The following MEGF10 variants were observed in gnomAD, a reference collection of about 807,000 sequenced individuals.
The protein encoded by MEGF10 is multiple EGF like domains 10, also known as multiple epidermal growth factor-like domains protein 10.
Under a neutral mutation model 147.5 loss-of-function variants are expected in MEGF10, and 86 were observed. The observed-to-expected ratio is 0.58, with a 90% CI of 0.49 to 0.70. MEGF10 has a LOEUF of 0.70. MEGF10 is among the 30% of genes least tolerant of loss of function. The pLI, the probability that MEGF10 is intolerant of heterozygous loss-of-function variation, is 0.00. For missense variants in MEGF10, 1,329 were observed against 1,487.3 expected, an observed-to-expected ratio of 0.89 and a Z score of 1.75; for synonymous variants, 478 against 525.5, an observed-to-expected ratio of 0.91 and a Z score of 1.24.
chr5:127,259,996 A>G, the MEGF10 span, among the ~76,000 whole-genome samples: 1 of 151,944 alleles, frequency 6.6e-6, no homozygotes, highest in African/African-American at 2.4e-5. Flanking sequence ...GTCTCTACTA[A>G]AAATACAAAA....
chr5:127,300,395 G>C (rs1341258640), intron 1 of MEGF10, among the ~76,000 whole-genome samples: 1 of 152,140 alleles, frequency 6.6e-6, no homozygotes, highest in Non-Finnish European at 1.5e-5. Flanking sequence ...TACTGTTGTT[G>C]TTTGTGTCCC....
the MEGF10 span, among the ~76,000 whole-genome samples, chr5:127,269,211 G>A: frequency 1.3e-5 from 2 of 152,230 alleles, no homozygotes; most frequent in Non-Finnish European, 2.9e-5. Flanking sequence ...GCAGCTCCTC[G>A]CCAGCAATGG....
In MEGF10 at chr5:127,398,814, C is replaced by A; in HGVS notation, c.780+18C>A. On this transcript the variant is annotated intron_variant, in intron 7 of 24. Transcript: ENST00000503335. ...GCTGGATGGTAAGCTTCCTTCCCAC[C>A]TCCTCTGCCCCTGCCCCAAAGTCAC... 1 of 1,613,004 alleles carries A rather than the reference C, an allele frequency of 6.2e-7. No homozygotes were observed. The highest frequency in any genetic ancestry group is 1.9e-4 in the Middle Eastern group (1 of 5,392).
intron 1 of MEGF10, among the ~76,000 whole-genome samples, chr5:127,329,697 T>C (rs908730217): frequency 6.6e-6 from 1 of 152,122 alleles, no homozygotes; most frequent in African/African-American, 2.4e-5. Flanking sequence ...TCAAATAATC[T>C]GGCTCATTAT....
the MEGF10 span, among the ~76,000 whole-genome samples, chr5:127,273,207 A>G: frequency 6.6e-6 from 1 of 152,148 alleles, no homozygotes; most frequent in Admixed American, 6.5e-5. Context: ...GGGATCTCCT[A>G]ATCTGAAGGT....
chr5:127,288,536 C>T (rs1189166539), upstream of MEGF10, among the ~76,000 whole-genome samples: 7 of 152,070 alleles, frequency 4.6e-5, no homozygotes, highest in South Asian at 2.1e-4. Flanking sequence ...ATTAAAACCA[C>T]GATGTGATAC....
chr5:127,372,970 A>G (rs987022529), intron 5 of MEGF10, among the ~76,000 whole-genome samples: 2 of 152,200 alleles, frequency 1.3e-5, no homozygotes, highest in Non-Finnish European at 2.9e-5. Context: ...TGAGGAAGGA[A>G]TATCTGCCTA....
intron 9 of MEGF10, among the ~76,000 whole-genome samples, chr5:127,417,098 C>T (rs554023009): frequency 3.3e-5 from 5 of 152,324 alleles, no homozygotes; most frequent in African/African-American, 1.2e-4. Flanking sequence ...CTCACTTACG[C>T]GTGCATCTCA....
the MEGF10 span, among the ~76,000 whole-genome samples, chr5:127,258,604 A>T: frequency 6.6e-6 from 1 of 152,320 alleles, no homozygotes; most frequent in South Asian, 2.1e-4. Context: ...TCCAAAACTT[A>T]TGTCAAAATT....
At chr5:127,232,060 C>T in the MEGF10 span, among the ~76,000 whole-genome samples, 1,021 of 152,254 alleles carry the variant, frequency 6.7e-3, 14 homozygotes, top group African/African-American at 0.023. Flanking sequence ...GAAGTAAGCC[C>T]GGGAAGAGAA....
At chr5:127,326,842 C>A (rs1222694574) in intron 1 of MEGF10, among the ~76,000 whole-genome samples, 3 of 152,018 alleles carry the variant, frequency 2.0e-5, no homozygotes, top group Non-Finnish European at 4.4e-5. Context: ...GTTGAGGGTA[C>A]CGAAGTTATT....
In MEGF10 at chr5:127,448,451, T is replaced by C. The variant is rs142419079; in HGVS notation, c.2857-648T>C. Among the ~76,000 whole-genome samples, 363 of 152,238 alleles carry C rather than the reference T, an allele frequency of 2.4e-3. 1 individual carries two copies. Among genetic ancestry groups the C allele is most frequent in the African/African-American group, 8.4e-3 (350 of 41,540 alleles). ...AGGTCTTCCCCACAATGCTCTGAAG[T>C]CTCAAACATTTCTTTCTTCCAGTCA... On this transcript the variant is annotated intron_variant, in intron 21 of 24. Transcript: ENST00000503335.
intron 5 of MEGF10, among the ~76,000 whole-genome samples, chr5:127,379,987 T>A (rs2126882436): frequency 6.6e-6 from 1 of 152,248 alleles, no homozygotes; most frequent in East Asian, 1.9e-4. Context: ...ATGCAGAGTA[T>A]GACCCTATTA....
chr5:127,236,106 G>T, the MEGF10 span, among the ~76,000 whole-genome samples: 2 of 152,174 alleles, frequency 1.3e-5, no homozygotes, highest in East Asian at 3.9e-4. Flanking sequence ...CCAAGTAGCT[G>T]GGACTACAGG....
intron 4 of MEGF10, among the ~76,000 whole-genome samples, chr5:127,353,564 T>C (rs1762164701): frequency 1.3e-5 from 2 of 152,172 alleles, no homozygotes; most frequent in Admixed American, 6.5e-5. Context: ...AAGCGAATCA[T>C]TGTAAGCAGC....
At chr5:127,340,707 A>G in intron 4 of MEGF10, 77 bp downstream of exon 4, 1 of 1,199,876 alleles carries the variant, frequency 8.3e-7, no homozygotes, top group Non-Finnish European at 1.2e-6. Flanking sequence ...AGCAGCTGAG[A>G]CAGAGGTCTG....
chr5:127,273,837 A>G, the MEGF10 span, among the ~76,000 whole-genome samples: 3 of 152,240 alleles, frequency 2.0e-5, no homozygotes, highest in Non-Finnish European at 4.4e-5. Flanking sequence ...GCATATAGGT[A>G]CTTTAAATGA....
chr5:127,402,828 A>C, intron 8 of MEGF10, 146 bp downstream of exon 8: 1 of 715,410 alleles, frequency 1.4e-6, no homozygotes. Context: ...TGTGTTTGAC[A>C]GATTCTATCT....
At chr5:127,252,655 T>G in the MEGF10 span, among the ~76,000 whole-genome samples, 15 of 151,908 alleles carry the variant, frequency 9.9e-5, no homozygotes, top group African/African-American at 3.6e-4. Flanking sequence ...TGTGGTTAAC[T>G]CTGGGGATGG....
Sources: allele counts gnomAD v4.1 joint callset (sites outside exome capture counted in the v4.1 genomes callset), GRCh38; gene constraint gnomAD v4.1.1; transcripts MANE v1.5; gene names NCBI Gene and HGNC (gene_info 2026-07-23, HGNC 2026-07-21).